The following C8orf34 variants were observed in gnomAD, a reference collection of about 807,000 sequenced individuals.
C8orf34 encodes the protein uncharacterized protein C8orf34.
C8orf34 carries 65 observed loss-of-function variants against 68.3 expected under a neutral mutation model. The observed-to-expected ratio is 0.95, with a 90% CI of 0.78 to 1.17. C8orf34 has a LOEUF of 1.17. Among genes scored for constraint, C8orf34 ranks in the 50% most tolerant of loss-of-function variants. The pLI, the probability that C8orf34 is intolerant of heterozygous loss-of-function variation, is 0.00. For missense variants in C8orf34, 664 were observed against 655.4 expected (o/e 1.01, Z -0.14); for synonymous variants, 244 against 241.2 (o/e 1.01, Z -0.11).
At chr8:68,339,342 C>G (rs1805979246) in intron 1 of C8orf34, among the ~76,000 whole-genome samples, 1 of 151,780 alleles carries the variant, frequency 6.6e-6, no homozygotes, top group African/African-American at 2.4e-5. Flanking sequence ...AATAGGTAAT[C>G]AATTACATAT....
intron 3 of C8orf34, among the ~76,000 whole-genome samples, chr8:68,468,230 A>C (rs562657682): frequency 1.4e-3 from 208 of 152,144 alleles, no homozygotes; most frequent in African/African-American, 4.9e-3. Context: ...TTTGAGGAAA[A>C]AAATCCCTTC....
chr8:68,428,877 G>A (rs1228860166), intron 1 of C8orf34, among the ~76,000 whole-genome samples: 1 of 152,108 alleles, frequency 6.6e-6, no homozygotes, highest in Non-Finnish European at 1.5e-5. Flanking sequence ...AGTGTGGGAT[G>A]ATTGGAAATT....
chr8:68,729,184 A>T (rs1821914512), intron 10 of C8orf34, among the ~76,000 whole-genome samples: 1 of 152,204 alleles, frequency 6.6e-6, no homozygotes, highest in Non-Finnish European at 1.5e-5. Context: ...GAATTAGATA[A>T]TTACTTTTTG....
intron 6 of C8orf34, among the ~76,000 whole-genome samples, chr8:68,523,983 T>A (rs981864249): frequency 6.6e-6 from 1 of 152,208 alleles, no homozygotes; most frequent in Admixed American, 6.5e-5. Context: ...TGACATCTGT[T>A]ACATGAGTGA....
chr8:68,452,396 T>C (rs1288030016), intron 3 of C8orf34, among the ~76,000 whole-genome samples: 1 of 151,780 alleles, frequency 6.6e-6, no homozygotes, highest in Non-Finnish European at 1.5e-5. Context: ...ATTCTTCATG[T>C]ATTTACCAAA....
At chr8:68,517,165 G>A (rs1323320161) in intron 5 of C8orf34, among the ~76,000 whole-genome samples, 1 of 151,902 alleles carries the variant, frequency 6.6e-6, no homozygotes, top group Non-Finnish European at 1.5e-5. Flanking sequence ...GCCATGGATT[G>A]CTGTGTTATG....
At chr8:68,404,041 T>G (rs925339596) in intron 1 of C8orf34, among the ~76,000 whole-genome samples, 8 of 152,186 alleles carry the variant, frequency 5.3e-5, no homozygotes, top group African/African-American at 1.9e-4. Flanking sequence ...ACATCTGTTG[T>G]TTCCTGACTT....
At chr8:68,817,400 AGT>A (rs1450595127) in intron 13 of C8orf34, among the ~76,000 whole-genome samples, 2 of 152,236 alleles carry the variant, frequency 1.3e-5, no homozygotes, top group African/African-American at 2.4e-5. Context: ...ATAAATAAAA[AGT>A]GTGTGCAAAA....
chr8:68,582,110 C>T (rs1365569004), intron 7 of C8orf34, among the ~76,000 whole-genome samples: 1 of 152,158 alleles, frequency 6.6e-6, no homozygotes, highest in Admixed American at 6.6e-5. Context: ...GCATATCTTA[C>T]TTAATCAGAG....
chr8:68,805,079 G>A (rs1290179153), intron 12 of C8orf34, among the ~76,000 whole-genome samples: 1 of 152,208 alleles, frequency 6.6e-6, no homozygotes, highest in Non-Finnish European at 1.5e-5. Flanking sequence ...CTGCCTCATT[G>A]AATTTCAGGC....
intron 11 of C8orf34, among the ~76,000 whole-genome samples, chr8:68,786,489 T>C (rs1278385420): frequency 6.6e-6 from 1 of 152,186 alleles, no homozygotes; most frequent in Non-Finnish European, 1.5e-5. Context: ...TATGATTCTA[T>C]TGGTATAATA....
chr8:68,507,668 T>C (rs1814082388), intron 5 of C8orf34, among the ~76,000 whole-genome samples: 1 of 152,196 alleles, frequency 6.6e-6, no homozygotes, highest in Non-Finnish European at 1.5e-5. Flanking sequence ...AATATGCCTT[T>C]GAGCAACTTC....
intron 7 of C8orf34, among the ~76,000 whole-genome samples, chr8:68,582,778 C>T (rs940509198): frequency 2.0e-5 from 3 of 152,060 alleles, no homozygotes; most frequent in Admixed American, 6.6e-5. Context: ...CAAAAACAAA[C>T]AGAAGTTGAT....
rs190169421 is a variant in C8orf34, at chr8:68,635,525, A to C, written c.1106-4851A>C. ...AAAGGTGATTGCTTCATTTAAACAAACATTCTTCTTTTACATAATCAACAT... is the reference window on the plus strand; with the variant it reads ...AAAGGTGATTGCTTCATTTAAACAACCATTCTTCTTTTACATAATCAACAT... On this transcript the variant is annotated intron_variant, in intron 7 of 13. Transcript: ENST00000518698. 8.2e-4 allele frequency among the ~76,000 whole-genome samples: 125 copies of C among 152,336 alleles called. 1 individual carries two copies. The highest frequency in any genetic ancestry group is 2.9e-3 in the African/African-American group (121 of 41,576).
intron 7 of C8orf34, among the ~76,000 whole-genome samples, chr8:68,542,002 T>C (rs1450785153): frequency 2.6e-5 from 4 of 152,214 alleles, no homozygotes; most frequent in African/African-American, 9.6e-5. Flanking sequence ...GTTTTTGTTA[T>C]TAGGTGGGTG....
At chr8:68,736,973 T>C (rs966331678) in intron 10 of C8orf34, among the ~76,000 whole-genome samples, 1 of 152,124 alleles carries the variant, frequency 6.6e-6, no homozygotes, top group Non-Finnish European at 1.5e-5. Context: ...TAAGTTTTTA[T>C]CTAACTAAAT....
chr8:68,764,344 G>A (rs564246679), intron 10 of C8orf34, among the ~76,000 whole-genome samples: 64 of 152,292 alleles, frequency 4.2e-4, no homozygotes, highest in African/African-American at 1.4e-3. Flanking sequence ...TAGTTTGTTG[G>A]CGGTGCAGAC....
intron 3 of C8orf34, among the ~76,000 whole-genome samples, chr8:68,456,837 T>C (rs1014114739): frequency 1.5e-4 from 23 of 152,222 alleles, no homozygotes; most frequent in Non-Finnish European, 8.8e-5. Context: ...TCAATAGTTA[T>C]GTGTCATAGA....
rs991793301 is a variant in C8orf34 at position 68,509,304 on chromosome 8, T to G, written c.766-12495T>G. Among the ~76,000 whole-genome samples the G allele has an allele frequency of 2.6e-5, 4 of 152,144 alleles. No individual in the cohort carries two copies. In the East Asian group the frequency reaches 7.7e-4, roughly 29 times the overall value. On this transcript the variant is annotated intron_variant, in intron 5 of 13. Transcript: ENST00000518698. Reference sequence around the variant, plus strand: ...TGCCTGAAGGCAAGAGCAGACAAACTGGGTTATTAGAAAGCATGTATCAAA... The same window carrying G: ...TGCCTGAAGGCAAGAGCAGACAAACGGGGTTATTAGAAAGCATGTATCAAA...
Sources: allele counts gnomAD v4.1 joint callset (sites outside exome capture counted in the v4.1 genomes callset), GRCh38; gene constraint gnomAD v4.1.1; transcripts MANE v1.5; gene names NCBI Gene and HGNC (gene_info 2026-07-23, HGNC 2026-07-21).